Variants in OSBP2 observed in about 807,000 individuals in gnomAD.
OSBP2 encodes oxysterol-binding protein 2.
OSBP2 carries 66 observed loss-of-function variants against 96.0 expected under a neutral mutation model. The ratio of observed to expected loss-of-function variants is 0.69; its 90% confidence interval spans 0.56 to 0.84. OSBP2 has a LOEUF of 0.84. OSBP2 is among the 40% of genes least tolerant of loss of function. The pLI, the probability that OSBP2 is intolerant of heterozygous loss-of-function variation, is 0.00. For missense variants in OSBP2, 1,038 were observed against 1,222.7 expected, an observed-to-expected ratio of 0.85 and a Z score of 2.25; for synonymous variants, 525 against 520.9, an observed-to-expected ratio of 1.01 and a Z score of -0.11.
intron 1 of OSBP2, among the ~76,000 whole-genome samples, chr22:30,706,063 A>G (rs536170392): frequency 6.6e-6 from 1 of 152,288 alleles, no homozygotes; most frequent in South Asian, 2.1e-4. Flanking sequence ...GCTTATCCCA[A>G]GGGGAAAGAG....
intron 2 of OSBP2, chr22:30,822,627 G>A (rs2038301675): frequency 2.0e-6 from 3 of 1,531,776 alleles, no homozygotes; most frequent in Non-Finnish European, 2.6e-6. Context: ...CCCCGCCGCG[G>A]GAAATGAAGG....
At chr22:30,857,172 C>T (rs991221587) in intron 2 of OSBP2, among the ~76,000 whole-genome samples, 3 of 152,188 alleles carry the variant, frequency 2.0e-5, no homozygotes, top group Non-Finnish European at 4.4e-5. Context: ...ACCCTCTAAG[C>T]GATGGGGGTG....
chr22:30,799,108 CCTTCCTTT>C (rs1484049308), intron 2 of OSBP2, among the ~76,000 whole-genome samples: 5 of 142,466 alleles, frequency 3.5e-5, no homozygotes, highest in East Asian at 2.0e-4. Context: ...TTCCTTCCTT[CCTTCCTTT>C]CTTTCTCTTT....
At chr22:30,900,762 T>G (rs1010268625) in intron 12 of OSBP2, among the ~76,000 whole-genome samples, 7 of 152,154 alleles carry the variant, frequency 4.6e-5, no homozygotes, top group Non-Finnish European at 8.8e-5. Flanking sequence ...GAAAATCAAA[T>G]AATGGCCTTA....
At chr22:30,753,274 C>G (rs1176872198) in intron 2 of OSBP2, among the ~76,000 whole-genome samples, 1 of 151,928 alleles carries the variant, frequency 6.6e-6, no homozygotes, top group Non-Finnish European at 1.5e-5. Flanking sequence ...TAGGATGTTA[C>G]TGGTGGGAGG....
intron 2 of OSBP2, among the ~76,000 whole-genome samples, chr22:30,830,931 T>C (rs2038509202): frequency 1.3e-5 from 2 of 152,068 alleles, no homozygotes; most frequent in Non-Finnish European, 2.9e-5. Flanking sequence ...TCATAAACAC[T>C]TTCCCACGTT....
At chr22:30,867,342 C>G (rs535938452) in intron 2 of OSBP2, among the ~76,000 whole-genome samples, 14 of 152,328 alleles carry the variant, frequency 9.2e-5, no homozygotes, top group Admixed American at 2.6e-4. Context: ...CCTTTCCAAC[C>G]TACTCCTCTG....
rs2090262762 is a variant in OSBP2, at chr22:30,765,774, T to A, written c.853+24405T>A. On this transcript the variant is annotated intron_variant, in intron 2 of 13. Coordinates refer to ENST00000332585, the MANE Select transcript of OSBP2 (RefSeq NM_030758.4). ...TTCATCAAGTGCATTGTATCTGAGTTTTTGGCCCCTGCCTTCTAGGCCTAG... is the reference window on the plus strand; with the variant it reads ...TTCATCAAGTGCATTGTATCTGAGTATTTGGCCCCTGCCTTCTAGGCCTAG... Among the ~76,000 whole-genome samples the A allele has an allele frequency of 4.6e-5, 7 of 152,318 alleles. 1 individual carries two copies. The South Asian group carries it at 1.5e-3, about 32-fold the overall frequency.
At chr22:30,872,548 G>A (rs1295117597) in intron 3 of OSBP2, 3 of 362,068 alleles carry the variant, frequency 8.3e-6, no homozygotes, top group Non-Finnish European at 1.6e-5. Flanking sequence ...GGTTGGTCAC[G>A]ATTCCTTTCT....
At chr22:30,778,726 A>G (rs2090472609) in intron 2 of OSBP2, among the ~76,000 whole-genome samples, 1 of 152,072 alleles carries the variant, frequency 6.6e-6, no homozygotes, top group African/African-American at 2.4e-5. Flanking sequence ...AGATGAAAAC[A>G]TTAGAAGTTC....
At chr22:30,713,642 T>C (rs2089397276) in intron 1 of OSBP2, among the ~76,000 whole-genome samples, 1 of 151,962 alleles carries the variant, frequency 6.6e-6, no homozygotes, top group African/African-American at 2.4e-5. Context: ...TAAACAATTA[T>C]TTTAGATACA....
rs766969292 is a variant in OSBP2, at chr22:30,893,590, G to T, written c.2094+24G>T. On this transcript the variant is annotated intron_variant, in intron 10 of 13. Transcript: ENST00000332585. ...AGGTCAGGGGCGCCCTTGGGGAGGG[G>T]GTGCATGGCCCGGGGGCTGGCCGCT... 8.1e-6 allele frequency: 13 copies of T among 1,612,918 alleles called. No individual in the cohort carries two copies. The South Asian group carries it at 1.4e-4, about 18-fold the overall frequency.
chr22:30,714,227 C>T (rs886425374), intron 1 of OSBP2, among the ~76,000 whole-genome samples: 3 of 152,174 alleles, frequency 2.0e-5, no homozygotes, highest in Admixed American at 1.3e-4. Flanking sequence ...ATGTTGTGCA[C>T]ATACAAGATT....
At chr22:30,900,988 C>T (rs921723770) in intron 12 of OSBP2, among the ~76,000 whole-genome samples, 68 of 152,270 alleles carry the variant, frequency 4.5e-4, no homozygotes, top group African/African-American at 1.6e-3. Flanking sequence ...ATCATAATAT[C>T]TACCTACACT....
chr22:30,816,654 C>T (rs738374), intron 2 of OSBP2, among the ~76,000 whole-genome samples: 41,602 of 152,116 alleles, frequency 0.27, 5,888 homozygotes, highest in Middle Eastern at 0.39. Flanking sequence ...GCAGAGGGCA[C>T]GTGTGGACAG....
chr22:30,775,790 G>C (rs186198336), intron 2 of OSBP2, among the ~76,000 whole-genome samples: 1 of 151,616 alleles, frequency 6.6e-6, no homozygotes, highest in African/African-American at 2.4e-5. Flanking sequence ...AGATTTTTTT[G>C]GGGGGGAGGT....
chr22:30,840,753 G>A (rs2038736335), intron 2 of OSBP2, among the ~76,000 whole-genome samples: 1 of 151,968 alleles, frequency 6.6e-6, no homozygotes, highest in Non-Finnish European at 1.5e-5. Flanking sequence ...AGGACTTAAT[G>A]AGATAATTAA....
At chr22:30,873,349 G>T (rs2039500509) in intron 3 of OSBP2, among the ~76,000 whole-genome samples, 1 of 152,138 alleles carries the variant, frequency 6.6e-6, no homozygotes, top group Non-Finnish European at 1.5e-5. Context: ...CCCGCACCCT[G>T]GGCGGGATCC....
intron 2 of OSBP2, among the ~76,000 whole-genome samples, chr22:30,868,892 C>T (rs1207784599): frequency 1.3e-5 from 2 of 152,250 alleles, no homozygotes; most frequent in Non-Finnish European, 2.9e-5. Context: ...TCACAGTATG[C>T]ATTATTTTTC....
Sources: allele counts gnomAD v4.1 joint callset (sites outside exome capture counted in the v4.1 genomes callset), GRCh38; gene constraint gnomAD v4.1.1; transcripts MANE v1.5; gene names NCBI Gene and HGNC (gene_info 2026-07-23, HGNC 2026-07-21).